Variants in SLC1A3 observed in about 807,000 individuals in gnomAD.
SLC1A3 encodes solute carrier family 1 member 3.
A neutral mutation model predicts 48.1 loss-of-function variants in SLC1A3; 21 were observed. The ratio of observed to expected loss-of-function variants is 0.44; its 90% CI spans 0.31 to 0.63. The LOEUF (loss-of-function observed/expected upper bound fraction) is 0.63, where lower values mean the gene tolerates loss of function less well. SLC1A3 is among the 20% of genes least tolerant of loss of function. The pLI is 0.08. For missense variants in SLC1A3, 546 were observed against 689.0 expected (o/e 0.79, Z 2.32); for synonymous variants, 239 against 251.4 (o/e 0.95, Z 0.47).
At chr5:36,684,197 CCT>C (rs1742553880) in intron 9 of SLC1A3, among the ~76,000 whole-genome samples, 199 bp downstream of exon 9, 1 of 152,250 alleles carries the variant, frequency 6.6e-6, no homozygotes, top group Non-Finnish European at 1.5e-5. Context: ...CACTCACTCC[CCT>C]GTCAGCCTAA....
At chr5:36,619,863 A>G (rs1739595082) in intron 2 of SLC1A3, among the ~76,000 whole-genome samples, 1 of 152,234 alleles carries the variant, frequency 6.6e-6, no homozygotes, top group Non-Finnish European at 1.5e-5. Context: ...CAAGGAGTTT[A>G]GAATTCATTA....
In SLC1A3 at chr5:36,686,313, C is replaced by T; in HGVS notation, c.*44C>T. 6.9e-7 allele frequency: 1 copy of T among 1,440,086 alleles called. No homozygotes were observed. The highest frequency in any genetic ancestry group is 9.8e-7 in the Non-Finnish European group (1 of 1,021,386). 89.2% of individuals were successfully genotyped at this position (1,440,086 alleles called of 1,614,324 possible). On this transcript the variant is annotated 3_prime_UTR_variant, in exon 10 of 10. Transcript: ENST00000265113. Reference sequence around the variant, plus strand: ...TTTCTTGAGCACCAGGTGTTAAAAACCATTATAAAATCTTTCCATCTCATT... The same window carrying T: ...TTTCTTGAGCACCAGGTGTTAAAAATCATTATAAAATCTTTCCATCTCATT...
At chr5:36,626,554 G>C (rs973308927) in intron 2 of SLC1A3, among the ~76,000 whole-genome samples, 4 of 152,150 alleles carry the variant, frequency 2.6e-5, no homozygotes, top group African/African-American at 9.7e-5. Flanking sequence ...TGACCAAAAT[G>C]AGCCCCTTGT....
Position 36,671,171 on chromosome 5 carries a change from C to T in SLC1A3, c.462C>T (p.Asn154=), listed in dbSNP as rs781048477. ...IIHPGKGTKE[N]MHREGKIVRV... The stretch of plus-strand genomic sequence containing the variant: ...ATCCTGGGAAGGGCACAAAGGAAAA[C>T]ATGCACAGAGAAGGCAAAATTGTAC... Residue 154 remains asparagine, a synonymous_variant, in exon 4 of 10, where the codon AAC becomes AAT. Coordinates refer to ENST00000265113, the MANE Select transcript of SLC1A3 (RefSeq NM_004172.5). The T allele has an allele frequency of 1.2e-6, 2 of 1,613,958 alleles. No homozygotes were observed. Among genetic ancestry groups the T allele is most frequent in the Admixed American group, 3.3e-5 (2 of 60,002 alleles).
intron 1 of SLC1A3, among the ~76,000 whole-genome samples, chr5:36,597,372 C>G (rs897430599): frequency 1.4e-4 from 21 of 151,060 alleles, no homozygotes; most frequent in Non-Finnish European, 2.7e-4. Context: ...TCAGCCTCCC[C>G]AGCAGCTGGG....
At chr5:36,673,946 G>T in intron 4 of SLC1A3, 103 bp from the exon 5 acceptor site, 1 of 899,186 alleles carries the variant, frequency 1.1e-6, no homozygotes, top group South Asian at 1.3e-5. Context: ...TCCATTTGTT[G>T]CTTGGTTCAA....
At chr5:36,636,462 CTTTTCTTT>C (rs1425093990) in intron 3 of SLC1A3, 2 of 67,506 alleles carry the variant, frequency 3.0e-5, no homozygotes, top group East Asian at 9.8e-4. Context: ...TTCTTTCTTT[CTTTTCTTT>C]CTTTCTTTCT....
At chr5:36,609,074 C>A in intron 2 of SLC1A3, 1 of 988,816 alleles carries the variant, frequency 1.0e-6, no homozygotes, top group Non-Finnish European at 1.2e-6. Flanking sequence ...CGCTTAGGCA[C>A]AGAGACCGAA....
chr5:36,623,862 CAAAAAA>C (rs5867332), intron 2 of SLC1A3, among the ~76,000 whole-genome samples: 3 of 113,924 alleles, frequency 2.6e-5, no homozygotes, highest in African/African-American at 6.9e-5. Context: ...GACACCGTCT[CAAAAAA>C]AAAAAAAAAA....
intron 3 of SLC1A3, among the ~76,000 whole-genome samples, chr5:36,664,278 C>T (rs1230413715): frequency 2.6e-5 from 4 of 152,096 alleles, no homozygotes; most frequent in African/African-American, 4.8e-5. Context: ...GGATTACAGG[C>T]GTGCACCACC....
chr5:36,663,508 T>C (rs1038291396), intron 3 of SLC1A3, among the ~76,000 whole-genome samples: 5 of 151,228 alleles, frequency 3.3e-5, no homozygotes, highest in Non-Finnish European at 7.4e-5. Context: ...CCCAAAGTAC[T>C]GGGATTATAG....
intron 2 of SLC1A3, among the ~76,000 whole-genome samples, chr5:36,619,609 T>C (rs1208092775): frequency 6.6e-6 from 1 of 152,182 alleles, no homozygotes; most frequent in Non-Finnish European, 1.5e-5. Flanking sequence ...ACCCTAGCTC[T>C]AAAAATAATG....
intron 6 of SLC1A3, 93 bp from the exon 7 acceptor site, chr5:36,679,534 C>G: frequency 1.7e-5 from 15 of 904,358 alleles, no homozygotes; most frequent in Non-Finnish European, 2.4e-5. Flanking sequence ...TGGCAGTCAA[C>G]TCTCTTTTCC....
chr5:36,677,797 G>A (rs562185358), intron 6 of SLC1A3, among the ~76,000 whole-genome samples: 1 of 152,196 alleles, frequency 6.6e-6, no homozygotes, highest in African/African-American at 2.4e-5. Flanking sequence ...GGTGTTTCCA[G>A]TAAAGGGAAA....
At chr5:36,600,489 A>G (rs920722451) in intron 1 of SLC1A3, among the ~76,000 whole-genome samples, 6 of 152,158 alleles carry the variant, frequency 3.9e-5, no homozygotes, top group African/African-American at 1.4e-4. Context: ...AGCGATTTTG[A>G]AAAATCTACT....
At chr5:36,685,150 GATA>G (rs1487315150) in intron 9 of SLC1A3, among the ~76,000 whole-genome samples, 7 of 152,024 alleles carry the variant, frequency 4.6e-5, no homozygotes, top group South Asian at 2.1e-4. Flanking sequence ...ATTTAAAGGT[GATA>G]ATAATTCATA....
chr5:36,611,106 T>C (rs1040405525), intron 2 of SLC1A3, among the ~76,000 whole-genome samples: 4 of 152,204 alleles, frequency 2.6e-5, no homozygotes, highest in Middle Eastern at 3.4e-3. Flanking sequence ...TCCTAAGAGA[T>C]AGGAAAAGAA....
At chr5:36,646,451 A>T (rs3756467) in intron 3 of SLC1A3, among the ~76,000 whole-genome samples, 25,997 of 152,242 alleles carry the variant, frequency 0.17, 2,674 homozygotes, top group Non-Finnish European at 0.23. Flanking sequence ...TTAAATGTTA[A>T]GTATTATTCA....
intron 1 of SLC1A3, chr5:36,607,005 A>C (rs1470955494): frequency 6.6e-6 from 1 of 151,070 alleles, no homozygotes; most frequent in Non-Finnish European, 1.5e-5. Flanking sequence ...GATCTGCTTA[A>C]AAGTGACTGG....
Sources: gnomAD v4.1 joint callset for allele counts (sites outside exome capture counted in the v4.1 genomes callset) on GRCh38, gnomAD v4.1.1 for gene constraint, MANE v1.5 for transcripts, NCBI Gene and HGNC (gene_info 2026-07-23, HGNC 2026-07-21) for gene names.